Variants in GABRG3 observed in about 807,000 individuals in gnomAD.
GABRG3 encodes gamma-aminobutyric acid type A receptor subunit gamma3.
In GABRG3, 25 loss-of-function variants were observed where a neutral mutation model predicts 48.8. The ratio of observed to expected loss-of-function variants is 0.51; its 90% CI spans 0.37 to 0.72. The LOEUF is 0.72. Among genes scored for constraint, GABRG3 ranks in the 30% least tolerant of loss-of-function variants. The probability of loss-of-function intolerance (pLI) is 0.00; values close to 1 mark genes in which losing one functional copy is unlikely to be tolerated. For synonymous variants in GABRG3, 227 were observed against 217.6 expected, an observed-to-expected ratio of 1.04 and a Z score of -0.38; for missense variants, 394 against 577.9, an observed-to-expected ratio of 0.68 and a Z score of 3.26.
intron 3 of GABRG3, among the ~76,000 whole-genome samples, chr15:27,082,223 A>T (rs1897003541): frequency 6.6e-6 from 1 of 152,218 alleles, no homozygotes; most frequent in East Asian, 1.9e-4. Flanking sequence ...TGTCAGGCAC[A>T]AAAACACTGT....
At chr15:27,238,631 G>T (rs922300902) in intron 3 of GABRG3, among the ~76,000 whole-genome samples, 1 of 152,138 alleles carries the variant, frequency 6.6e-6, no homozygotes. Context: ...ACATGTCTTA[G>T]GTCTGTGTGT....
At chr15:27,038,074 T>C (rs981721903) in intron 3 of GABRG3, among the ~76,000 whole-genome samples, 2 of 152,180 alleles carry the variant, frequency 1.3e-5, no homozygotes, top group Non-Finnish European at 2.9e-5. Flanking sequence ...GATCGGGTCC[T>C]GGTCCATGCT....
chr15:27,311,220 T>C (rs1191775946), intron 3 of GABRG3, among the ~76,000 whole-genome samples: 3 of 152,120 alleles, frequency 2.0e-5, no homozygotes, highest in Non-Finnish European at 4.4e-5. Flanking sequence ...GCTGAGAGGC[T>C]TCTGCACCCT....
At chr15:27,020,286 G>A (rs534693875) in intron 2 of GABRG3, among the ~76,000 whole-genome samples, 5 of 152,332 alleles carry the variant, frequency 3.3e-5, no homozygotes, top group African/African-American at 1.2e-4. Context: ...GTGTGGGGCA[G>A]CTCTTTAGGG....
At position 27,385,965 on chromosome 15, in the gene GABRG3, A is replaced by G. The variant is rs758063808; in HGVS notation, c.574+57077A>G. On this transcript the variant is annotated intron_variant, in intron 5 of 9. Coordinates refer to ENST00000615808, the MANE Select transcript of GABRG3 (RefSeq NM_033223.5). Reference sequence around the variant, plus strand: ...TTAATGTTTGATAAGTTTTTGTTGAAAACTGCGTATTTTAGATAATATATT... The same window carrying G: ...TTAATGTTTGATAAGTTTTTGTTGAGAACTGCGTATTTTAGATAATATATT... 2.0e-5 allele frequency among the ~76,000 whole-genome samples: 3 copies of G among 152,148 alleles called. No homozygotes were observed. In the East Asian group the frequency reaches 5.8e-4, roughly 29 times the overall value.
intron 3 of GABRG3, among the ~76,000 whole-genome samples, chr15:27,058,786 A>T (rs980180192): frequency 3.3e-5 from 5 of 152,216 alleles, no homozygotes; most frequent in African/African-American, 9.6e-5. Context: ...ATCAAAATTG[A>T]TAAGTGATTA....
intron 3 of GABRG3, among the ~76,000 whole-genome samples, chr15:27,234,389 A>G (rs1242105446): frequency 6.6e-6 from 1 of 152,144 alleles, no homozygotes; most frequent in East Asian, 1.9e-4. Flanking sequence ...AGGTACATTT[A>G]GAGTCTCTGG....
chr15:27,316,330 G>A (rs1487416424), intron 3 of GABRG3, among the ~76,000 whole-genome samples: 1 of 147,548 alleles, frequency 6.8e-6, no homozygotes, highest in Non-Finnish European at 1.5e-5. Context: ...AGAGCTTGCA[G>A]TGAGCCGAGA....
intron 5 of GABRG3, among the ~76,000 whole-genome samples, chr15:27,398,100 G>T (rs144713361): frequency 6.6e-6 from 1 of 151,970 alleles, no homozygotes; most frequent in East Asian, 1.9e-4. Context: ...CACTGTGCCC[G>T]GCTCTTCTCT....
intron 5 of GABRG3, among the ~76,000 whole-genome samples, chr15:27,454,321 C>T (rs1478004491): frequency 6.6e-6 from 1 of 152,166 alleles, no homozygotes; most frequent in Non-Finnish European, 1.5e-5. Context: ...GGGAGAAAAG[C>T]CACAAAGCAT....
chr15:27,025,974 C>G (rs1895976489), intron 2 of GABRG3, among the ~76,000 whole-genome samples: 2 of 152,186 alleles, frequency 1.3e-5, no homozygotes, highest in Non-Finnish European at 2.9e-5. Context: ...GCTCAGCTGT[C>G]TCATTATCAG....
chr15:27,271,842 A>G (rs1891101470), intron 3 of GABRG3, among the ~76,000 whole-genome samples: 1 of 152,192 alleles, frequency 6.6e-6, no homozygotes, highest in Non-Finnish European at 1.5e-5. Context: ...CATCATGCTA[A>G]CTACTGTTGA....
At chr15:27,237,319 A>G (rs907937378) in intron 3 of GABRG3, among the ~76,000 whole-genome samples, 3 of 152,256 alleles carry the variant, frequency 2.0e-5, no homozygotes, top group Non-Finnish European at 4.4e-5. Flanking sequence ...TATGGATTTT[A>G]AAAGAAACAT....
chr15:26,992,219 A>C (rs529229837), intron 2 of GABRG3, among the ~76,000 whole-genome samples: 20 of 152,142 alleles, frequency 1.3e-4, no homozygotes, highest in Admixed American at 1.3e-4. Flanking sequence ...GGATGTTTTT[A>C]TTTCTTTCTC....
chr15:27,092,674 A>G (rs1897208598), intron 3 of GABRG3, among the ~76,000 whole-genome samples: 1 of 152,214 alleles, frequency 6.6e-6, no homozygotes, highest in African/African-American at 2.4e-5. Context: ...ATTGAAAAAT[A>G]GATGTGCTTA....
intron 3 of GABRG3, among the ~76,000 whole-genome samples, chr15:27,309,348 A>C (rs1892918640): frequency 6.6e-6 from 1 of 151,854 alleles, no homozygotes; most frequent in Non-Finnish European, 1.5e-5. Context: ...ACCAATTTAA[A>C]CCTTAGCAGA....
At chr15:27,525,633 AAC>A (rs1323797356) in intron 7 of GABRG3, among the ~76,000 whole-genome samples, 8 of 152,180 alleles carry the variant, frequency 5.3e-5, no homozygotes, top group Non-Finnish European at 7.3e-5. Context: ...TACAGACACA[AAC>A]AGTTTGTATT....
intron 5 of GABRG3, among the ~76,000 whole-genome samples, chr15:27,392,906 G>A (rs974068952): frequency 2.6e-5 from 4 of 152,140 alleles, no homozygotes; most frequent in African/African-American, 9.7e-5. Context: ...GACATACCCA[G>A]CATGATTATA....
intron 3 of GABRG3, among the ~76,000 whole-genome samples, chr15:27,130,748 T>C (rs1897902340): frequency 2.0e-5 from 3 of 152,058 alleles, no homozygotes. Context: ...TGGTTCAGTT[T>C]ATTTGAGTGT....
Sources: allele counts gnomAD v4.1 joint callset (sites outside exome capture counted in the v4.1 genomes callset), GRCh38; gene constraint gnomAD v4.1.1; transcripts MANE v1.5; gene names NCBI Gene and HGNC (gene_info 2026-07-23, HGNC 2026-07-21).